Variants in PAH observed in about 807,000 individuals in gnomAD.
PAH encodes the protein phenylalanine hydroxylase.
Under a neutral mutation model 62.0 loss-of-function variants are expected in PAH, and 64 were observed. The ratio of observed to expected loss-of-function variants is 1.03; its 90% CI spans 0.84 to 1.27. PAH has a LOEUF of 1.27. PAH is among the 50% of genes most tolerant of loss of function. The pLI is 0.00. For missense variants in PAH, 579 were observed against 542.8 expected, an observed-to-expected ratio of 1.07 and a Z score of -0.66; for synonymous variants, 195 against 196.2, an observed-to-expected ratio of 0.99 and a Z score of 0.05.
intron 2 of PAH, among the ~76,000 whole-genome samples, chr12:102,899,658 G>C (rs1369020041): frequency 6.6e-6 from 1 of 151,068 alleles, no homozygotes; most frequent in Non-Finnish European, 1.5e-5. Context: ...AGGAGATCGA[G>C]ACCATCCCAG....
At chr12:102,848,286 G>A (rs539556743) in intron 8 of PAH, among the ~76,000 whole-genome samples, 18 of 141,400 alleles carry the variant, frequency 1.3e-4, no homozygotes, top group African/African-American at 5.7e-4. Flanking sequence ...GGAGACTGGA[G>A]AGGTTAAGTG....
At chr12:102,844,213 A>G in intron 10 of PAH, 123 bp downstream of exon 10, 1 of 733,116 alleles carries the variant, frequency 1.4e-6, no homozygotes, top group Non-Finnish European at 2.5e-6. Context: ...TCACTGGAGA[A>G]TGAGTTCCCA....
chr12:102,877,954 T>A (rs1268256550), intron 3 of PAH, among the ~76,000 whole-genome samples: 1 of 152,026 alleles, frequency 6.6e-6, no homozygotes, highest in Non-Finnish European at 1.5e-5. Flanking sequence ...GCCTCCCGAG[T>A]AGCTGGGATT....
At chr12:102,861,073 G>T (rs924358797) in intron 5 of PAH, among the ~76,000 whole-genome samples, 2 of 152,142 alleles carry the variant, frequency 1.3e-5, no homozygotes, top group Non-Finnish European at 2.9e-5. Flanking sequence ...GAAAATTTTT[G>T]CAATCTACTC....
upstream of PAH, chr12:102,958,376 A>C (rs879869637): frequency 1.4e-6 from 2 of 1,448,392 alleles, no homozygotes; most frequent in Non-Finnish European, 1.8e-6. Context: ...CAGCCGCCGC[A>C]GCGGCAGCGC....
chr12:102,856,333 G>A lies in PAH; in HGVS notation c.510-1001C>T, dbSNP rs151239419. Reference sequence around the variant, plus strand: ...TAAAAGTCGTTAGTTTTAAAAGTCCGGGAAGCTCAAACTGGGTGGAGCCCA... The same window carrying A: ...TAAAAGTCGTTAGTTTTAAAAGTCCAGGAAGCTCAAACTGGGTGGAGCCCA... On this transcript the variant is annotated intron_variant, in intron 5 of 12. Transcript: ENST00000553106. 7.7e-3 allele frequency among the ~76,000 whole-genome samples: 1,168 copies of A among 152,158 alleles called. 22 individuals are homozygous for A. Among genetic ancestry groups the A allele is most frequent in the African/African-American group, 0.027 (1,129 of 41,518 alleles).
upstream of PAH, among the ~76,000 whole-genome samples, chr12:102,951,633 C>T (rs1879764546): frequency 6.6e-6 from 1 of 152,164 alleles, no homozygotes; most frequent in Non-Finnish European, 1.5e-5. Flanking sequence ...GCCCTCTTCC[C>T]CACCCCCGAG....
At chr12:102,877,187 CTG>C in intron 4 of PAH, 45 of 479,200 alleles carry the variant, frequency 9.4e-5, no homozygotes, top group Non-Finnish European at 1.2e-4. Flanking sequence ...TGATTTGCAT[CTG>C]TGTGTGTGTT....
intron 4 of PAH, 141 bp downstream of exon 4, chr12:102,877,321 G>A: frequency 2.7e-6 from 2 of 751,740 alleles, no homozygotes; most frequent in South Asian, 2.9e-5. Context: ...ATTTTTCCCA[G>A]CCCTCGTGTA....
chr12:102,846,943 G>T lies in PAH; in HGVS notation c.921C>A (p.Gly307=). The T allele has an allele frequency of 2.5e-6, 4 of 1,613,422 alleles. No homozygotes were observed. Among genetic ancestry groups the T allele is most frequent in the Non-Finnish European group, 3.4e-6 (4 of 1,179,434 alleles). Residue 307 remains glycine, a synonymous_variant, in exon 9 of 13, where the codon GGC becomes GGA. Coordinates refer to ENST00000553106, the MANE Select transcript of PAH (RefSeq NM_000277.3). ...CATCAGGTGCACCCAGAGAGGCAAG[G>T]CCAATTTCCTGTAATTGGGGGAAAA... The part of the protein sequence containing the change: ...RSFAQFSQEI[G]LASLGAPDEY...
intron 3 of PAH, among the ~76,000 whole-genome samples, chr12:102,885,508 C>T (rs934796367): frequency 6.6e-6 from 1 of 152,128 alleles, no homozygotes; most frequent in African/African-American, 2.4e-5. Context: ...CTCTGTGGAG[C>T]GGAGGCACCC....
rs62644475 is a variant in PAH, at chr12:102,840,486, A to G, written c.1229T>C (p.Phe410Ser). 6.2e-7 allele frequency: 1 copy of G among 1,613,824 alleles called. No individual in the cohort carries two copies. The highest frequency in any genetic ancestry group is 8.5e-7 in the Non-Finnish European group (1 of 1,179,806). The change falls in exon 12 of 13, where the codon TTC becomes TCC. Residue 410 changes from phenylalanine to serine, a missense_variant. Transcript: ENST00000553106. The part of the protein sequence containing the change: ...RNFAATIPRP[F>S]SVRYDPYTQR... ...GGTGTATGGGTCGTAGCGAACTGAG[A>G]AGGGCCGAGGTATTGTGGCAGCAAA...
chr12:102,955,989 C>G (rs1347495867), intron 1 of PAH, among the ~76,000 whole-genome samples: 1 of 152,182 alleles, frequency 6.6e-6, no homozygotes, highest in Non-Finnish European at 1.5e-5. Flanking sequence ...TCGGGAGCCG[C>G]CCGTCATTAC....
chr12:102,893,703 C>T (rs537388570), intron 3 of PAH, among the ~76,000 whole-genome samples: 8 of 152,356 alleles, frequency 5.3e-5, no homozygotes, highest in African/African-American at 1.9e-4. Flanking sequence ...AGAAGTAGGA[C>T]TTGAACCACA....
intron 2 of PAH, among the ~76,000 whole-genome samples, chr12:102,903,264 G>GTA (rs1214220204): frequency 8.5e-5 from 13 of 152,052 alleles, no homozygotes; most frequent in African/African-American, 2.9e-4. Flanking sequence ...AGGAAGCTGA[G>GTA]GCAAGAGAGT....
At chr12:102,844,270 A>G (rs1874728953) in intron 10 of PAH, 66 bp downstream of exon 10, 1 of 1,122,066 alleles carries the variant, frequency 8.9e-7, no homozygotes, top group East Asian at 2.4e-5. Context: ...CAATATTGAA[A>G]GCACAATAAT....
intron 1 of PAH, among the ~76,000 whole-genome samples, chr12:102,930,151 C>T (rs1057063557): frequency 7.9e-5 from 12 of 152,222 alleles, no homozygotes; most frequent in South Asian, 4.1e-4. Context: ...AAGTAACTTG[C>T]TCAAAGTCAC....
At position 102,856,947 on chromosome 12, in the gene PAH, C is replaced by T. The variant is rs11838082; in HGVS notation, c.510-1615G>A. On this transcript the variant is annotated intron_variant, in intron 5 of 12. Coordinates refer to ENST00000553106, the MANE Select transcript of PAH (RefSeq NM_000277.3). ...GCACCTCTCCCCGTCCAAAGGAACACAGCTCCTCGCCAGCAATGGAACAAA... is the reference window on the plus strand; with the variant it reads ...GCACCTCTCCCCGTCCAAAGGAACATAGCTCCTCGCCAGCAATGGAACAAA... Among the ~76,000 whole-genome samples, 457 of 152,362 alleles carry T rather than the reference C, an allele frequency of 3.0e-3. 4 individuals are homozygous for T. Among genetic ancestry groups the T allele is most frequent in the African/African-American group, 0.01 (435 of 41,590 alleles).
intron 5 of PAH, among the ~76,000 whole-genome samples, chr12:102,862,875 T>G (rs184428987): frequency 1.3e-5 from 2 of 152,086 alleles, no homozygotes; most frequent in African/African-American, 4.8e-5. Context: ...GGCAAAAAGA[T>G]AGCATTTTGC....
Sources: gnomAD v4.1 joint callset for allele counts (sites outside exome capture counted in the v4.1 genomes callset) on GRCh38, gnomAD v4.1.1 for gene constraint, MANE v1.5 for transcripts, NCBI Gene and HGNC (gene_info 2026-07-23, HGNC 2026-07-21) for gene names.